Variants in SPOCK3 observed in about 807,000 individuals in gnomAD.
SPOCK3 encodes testican-3.
In SPOCK3, 30 loss-of-function variants were observed where a neutral mutation model predicts 56.6. The ratio of observed to expected loss-of-function variants is 0.53; its 90% CI spans 0.40 to 0.72. The LOEUF is 0.72. Among genes scored for constraint, SPOCK3 ranks in the 30% least tolerant of loss-of-function variants. The pLI, the probability that SPOCK3 is intolerant of heterozygous loss-of-function variation, is 0.00. For missense variants in SPOCK3, 527 were observed against 530.0 expected (o/e 0.99, Z 0.06); for synonymous variants, 196 against 183.3 (o/e 1.07, Z -0.56).
At chr4:166,931,277 C>T (rs545838639) in intron 4 of SPOCK3, among the ~76,000 whole-genome samples, 33 of 150,016 alleles carry the variant, frequency 2.2e-4, no homozygotes, top group South Asian at 4.2e-4. Context: ...CCACCGCTCC[C>T]GGCCCAGAGG....
chr4:167,120,150 G>T (rs964285862), intron 2 of SPOCK3, among the ~76,000 whole-genome samples: 5 of 152,012 alleles, frequency 3.3e-5, no homozygotes, highest in African/African-American at 1.2e-4. Context: ...TAATTATGTG[G>T]TTGACGAGTT....
chr4:167,162,110 T>C (rs1036936473), intron 2 of SPOCK3, among the ~76,000 whole-genome samples: 2 of 152,066 alleles, frequency 1.3e-5, no homozygotes, highest in Admixed American at 6.6e-5. Context: ...CCCACCTATT[T>C]ATGAACATTA....
intron 7 of SPOCK3, among the ~76,000 whole-genome samples, chr4:166,790,175 G>A (rs1741186822): frequency 6.6e-6 from 1 of 152,092 alleles, no homozygotes; most frequent in African/African-American, 2.4e-5. Context: ...GAAATACAGT[G>A]GTGAATAAAG....
rs545062447 is a variant in SPOCK3, at chr4:167,037,156, T to C, written c.235+25336A>G. Among the ~76,000 whole-genome samples the C allele has an allele frequency of 2.0e-5, 3 of 152,256 alleles. No homozygotes were observed. In the South Asian group the frequency reaches 6.2e-4, roughly 32 times the overall value. The stretch of plus-strand genomic sequence containing the variant: ...AAAAGTAGGGGAGAAATTGAGGATA[T>C]TTGCTTGTGCTTTATATACACTATG... On this transcript the variant is annotated intron_variant, in intron 3 of 10. Coordinates refer to ENST00000357545, the MANE Select transcript of SPOCK3 (RefSeq NM_001040159.2).
At chr4:167,069,827 T>C (rs565138457) in intron 2 of SPOCK3, among the ~76,000 whole-genome samples, 2 of 152,034 alleles carry the variant, frequency 1.3e-5, no homozygotes, top group South Asian at 4.1e-4. Flanking sequence ...TTAGAGAAAA[T>C]CCTGAGGAAT....
At chr4:166,772,364 T>C (rs1186869846) in intron 7 of SPOCK3, among the ~76,000 whole-genome samples, 1 of 152,128 alleles carries the variant, frequency 6.6e-6, no homozygotes, top group Non-Finnish European at 1.5e-5. Flanking sequence ...AATGTATCTA[T>C]ATTGTGTCTG....
chr4:167,174,560 C>G (rs1041837454), intron 2 of SPOCK3, among the ~76,000 whole-genome samples: 15 of 152,104 alleles, frequency 9.9e-5, no homozygotes, highest in African/African-American at 3.4e-4. Context: ...TTTTAAAGGA[C>G]CAGTCAGGTC....
At chr4:166,912,281 A>T (rs1359097282) in intron 5 of SPOCK3, among the ~76,000 whole-genome samples, 1 of 152,188 alleles carries the variant, frequency 6.6e-6, no homozygotes, top group African/African-American at 2.4e-5. Flanking sequence ...AATAATTCTA[A>T]TGACAGATTG....
At chr4:166,969,149 A>C (rs1229591926) in intron 4 of SPOCK3, among the ~76,000 whole-genome samples, 1 of 152,158 alleles carries the variant, frequency 6.6e-6, no homozygotes, top group Non-Finnish European at 1.5e-5. Context: ...GGAAGTAATT[A>C]ATATGTTTTT....
intron 4 of SPOCK3, among the ~76,000 whole-genome samples, chr4:166,965,928 A>G (rs1463024641): frequency 6.6e-6 from 1 of 152,124 alleles, no homozygotes. Flanking sequence ...ATGTATAATG[A>G]CATGTCTTCA....
chr4:166,953,056 A>G (rs1332456041), intron 4 of SPOCK3, among the ~76,000 whole-genome samples: 6 of 151,936 alleles, frequency 3.9e-5, no homozygotes, highest in Non-Finnish European at 7.4e-5. Flanking sequence ...ACCAAAAGCA[A>G]TGGCAACAAA....
At chr4:167,010,987 T>C (rs1354032242) in intron 3 of SPOCK3, among the ~76,000 whole-genome samples, 1 of 152,102 alleles carries the variant, frequency 6.6e-6, no homozygotes, top group Non-Finnish European at 1.5e-5. Context: ...CATGTAAACA[T>C]TTAAAACAAA....
chr4:166,829,906 C>T (rs1745859662), intron 6 of SPOCK3, among the ~76,000 whole-genome samples: 1 of 152,064 alleles, frequency 6.6e-6, no homozygotes, highest in Non-Finnish European at 1.5e-5. Flanking sequence ...AAGCTTCCTC[C>T]TTGACACTGT....
intron 8 of SPOCK3, among the ~76,000 whole-genome samples, chr4:166,751,927 A>G (rs1736422218): frequency 1.3e-5 from 2 of 152,196 alleles, no homozygotes; most frequent in African/African-American, 4.8e-5. Flanking sequence ...ATGATTTTAG[A>G]AAATTAGCCA....
intron 3 of SPOCK3, among the ~76,000 whole-genome samples, chr4:167,022,725 G>T (rs1751309480): frequency 6.6e-6 from 1 of 152,000 alleles, no homozygotes; most frequent in South Asian, 2.1e-4. Flanking sequence ...ATCCCATAAT[G>T]TGCTGTATGT....
In SPOCK3 at chr4:167,014,765, T is replaced by TCA. The variant is rs145127893; in HGVS notation, c.236-14304_236-14303dup. 8.6e-3 allele frequency among the ~76,000 whole-genome samples: 1,287 copies of TCA among 149,606 alleles called. 16 individuals are homozygous for TCA. The highest frequency in any genetic ancestry group is 0.029 in the African/African-American group (1,179 of 41,004). Reference sequence around the variant, plus strand: ...CTAACACACACATGCATACACACACTCACACACACACACACACCCCTACAC... The same window carrying TCA: ...CTAACACACACATGCATACACACACTCACACACACACACACACACCCCTACAC... On this transcript the variant is annotated intron_variant, in intron 3 of 10. Transcript: ENST00000357545.
chr4:166,786,132 G>A (rs1740705357), intron 7 of SPOCK3, among the ~76,000 whole-genome samples: 1 of 152,152 alleles, frequency 6.6e-6, no homozygotes, highest in African/African-American at 2.4e-5. Flanking sequence ...GGGGTGGAAG[G>A]GAAGGCACCT....
chr4:167,002,271 T>G (rs1227000642), intron 3 of SPOCK3, among the ~76,000 whole-genome samples: 1 of 152,140 alleles, frequency 6.6e-6, no homozygotes, highest in Non-Finnish European at 1.5e-5. Context: ...ATAATCAATA[T>G]AAAATACAGA....
intron 7 of SPOCK3, among the ~76,000 whole-genome samples, chr4:166,771,737 T>C (rs1579182010): frequency 1.3e-5 from 2 of 152,112 alleles, no homozygotes; most frequent in East Asian, 3.9e-4. Flanking sequence ...TCAAATAGAG[T>C]GAGAAAAATT....
Sources: allele counts gnomAD v4.1 joint callset (sites outside exome capture counted in the v4.1 genomes callset), GRCh38; gene constraint gnomAD v4.1.1; transcripts MANE v1.5; gene names NCBI Gene and HGNC (gene_info 2026-07-23, HGNC 2026-07-21).